COQ8B: variants seen among roughly 807,000 people sequenced by gnomAD.
The protein encoded by COQ8B is atypical kinase COQ8B, mitochondrial.
COQ8B carries 44 observed loss-of-function variants against 62.0 expected under a neutral mutation model. The ratio of observed to expected loss-of-function variants is 0.71; its 90% CI spans 0.56 to 0.91. COQ8B has a LOEUF of 0.91. COQ8B is among the 40% of genes least tolerant of loss of function. The pLI is 0.00. For missense variants in COQ8B, 649 were observed against 731.6 expected (o/e 0.89, Z 1.30); for synonymous variants, 252 against 289.9 (o/e 0.87, Z 1.33).
chr19:40,713,688 C>A (rs1869713), intron 4 of COQ8B, among the ~76,000 whole-genome samples: 88 of 146,398 alleles, frequency 6.0e-4, no homozygotes, highest in Admixed American at 1.1e-3. Flanking sequence ...TGCACTCCAG[C>A]CTGGGCAACA....
chr19:40,700,969 C>CATTTATTAA, intron 10 of COQ8B: 1 of 157,006 alleles, frequency 6.4e-6, no homozygotes, highest in Non-Finnish European at 1.4e-5. Context: ...GTGAATGAAC[C>CATTTATTAA]AGTCCCTGGA....
intron 9 of COQ8B, 115 bp downstream of exon 9, chr19:40,703,426 C>G: frequency 9.1e-7 from 1 of 1,102,968 alleles, no homozygotes; most frequent in Non-Finnish European, 1.3e-6. Context: ...CTGACACTCC[C>G]GCTCACAACG....
intron 4 of COQ8B, 32 bp downstream of exon 4, chr19:40,714,035 G>A (rs1302879943): frequency 2.5e-6 from 4 of 1,611,680 alleles, no homozygotes; most frequent in African/African-American, 1.3e-5. Flanking sequence ...TCTAATTGAG[G>A]TCACACCAAG....
At position 40,697,876 on chromosome 19, in the gene COQ8B, A is replaced by AGAGAGAGAGAGT. The variant is rs1316282364; in HGVS notation, c.1144-1823_1144-1822insACTCTCTCTCTC. Among the ~76,000 whole-genome samples the AGAGAGAGAGAGT allele has an allele frequency of 9.8e-5, 7 of 71,206 alleles. 1 individual carries two copies. Among genetic ancestry groups the AGAGAGAGAGAGT allele is most frequent in the South Asian group, 5.1e-4 (1 of 1,944 alleles). 46.7% of individuals were successfully genotyped at this position (71,206 alleles called of 152,430 possible). On this transcript the variant is annotated intron_variant, in intron 12 of 14. Coordinates refer to ENST00000324464, the MANE Select transcript of COQ8B (RefSeq NM_024876.4). ...TAGAGAGAGAGAGAGAGAGAGAGAG[A>AGAGAGAGAGAGT]GTTTCTACTGGGCGTTCATGCAAAT...
At position 40,700,194 on chromosome 19, in the gene COQ8B, C is replaced by T. The variant is rs763849360; in HGVS notation, c.1036-20G>A. 6 of 1,613,886 alleles carry T rather than the reference C, an allele frequency of 3.7e-6. No homozygotes were observed. The Admixed American group carries it at 8.3e-5, about 22-fold the overall frequency. On this transcript the variant is annotated intron_variant, in intron 11 of 14. Coordinates refer to ENST00000324464, the MANE Select transcript of COQ8B (RefSeq NM_024876.4). ...GCAAATCTGGGGTGGGGAGAATTAA[C>T]AGGCATCTCAGTGTGATCTCCCTTG...
At position 40,692,038 on chromosome 19, in the gene COQ8B, T is replaced by A. The variant is rs1168199366; in HGVS notation, c.1632A>T (p.Ser544=). ...ACTGAATCCCCCATGGAGGCTGTCA[T>A]GAGGGATCCACCCAGGAGTCCCCTT... The part of the protein sequence containing the change: ...PTKGDSWVDP[S] Residue 544 remains serine (S), a synonymous_variant, in exon 15 of 15, where the codon TCA becomes TCT. Coordinates refer to ENST00000324464, the MANE Select transcript of COQ8B (RefSeq NM_024876.4). 2 of 1,598,818 alleles carry A rather than the reference T, an allele frequency of 1.3e-6. No homozygotes were observed.
intron 12 of COQ8B, among the ~76,000 whole-genome samples, chr19:40,698,344 C>T (rs2082035563): frequency 6.6e-6 from 1 of 150,978 alleles, no homozygotes; most frequent in Non-Finnish European, 1.5e-5. Flanking sequence ...CAAGACTAGC[C>T]TGGCCAAAAT....
At chr19:40,703,150 G>A (rs1327265125) in intron 9 of COQ8B, among the ~76,000 whole-genome samples, 1 of 151,942 alleles carries the variant, frequency 6.6e-6, no homozygotes, top group African/African-American at 2.4e-5. Flanking sequence ...TCTGGGCCTG[G>A]CTTTCCCTCT....
Position 40,705,367 on chromosome 19 carries a change from G to T in COQ8B, c.448C>A (p.Arg150=). 1.2e-6 allele frequency: 2 copies of T among 1,600,320 alleles called. No individual in the cohort carries two copies. The highest frequency in any genetic ancestry group is 1.7e-6 in the Non-Finnish European group (2 of 1,168,852). ...ERIVQTLCTV[R]GAALKVGQML... is the part of the protein sequence containing the mutation. ...TGGCCAACCTTGAGGGCGGCCCCTC[G>T]AACTGTACATAAGGTCTGCACAATC... The change falls in exon 6 of 15, where the codon CGA becomes AGA. Residue 150 remains arginine (R), a synonymous_variant. Transcript: ENST00000324464.
chr19:40,701,935 G>A (rs545651867), intron 10 of COQ8B, among the ~76,000 whole-genome samples: 4 of 152,178 alleles, frequency 2.6e-5, no homozygotes, highest in Admixed American at 6.5e-5. Context: ...ATTGTTCCAC[G>A]TAGCCATAGT....
At chr19:40,714,747 C>T in intron 1 of COQ8B, 112 bp from the exon 2 acceptor site, 2 of 1,308,784 alleles carry the variant, frequency 1.5e-6, no homozygotes, top group South Asian at 3.1e-5. Flanking sequence ...AATACTTCCT[C>T]CACTATTAAT....
chr19:40,698,697 C>CT (rs1201866711), intron 12 of COQ8B, among the ~76,000 whole-genome samples: 3 of 152,252 alleles, frequency 2.0e-5, no homozygotes, highest in East Asian at 3.9e-4. Flanking sequence ...GGGCTGGAGA[C>CT]TCCGTGGGGC....
rs745562919 is a variant in COQ8B at position 40,692,388 on chromosome 19, G to T, written c.1297-15C>A. On this transcript the variant is annotated splice_polypyrimidine_tract_variant and intron_variant, in intron 14 of 14. Coordinates refer to ENST00000324464, the MANE Select transcript of COQ8B (RefSeq NM_024876.4). ...TCGGAGAATGCCTGGGAGTGGGGGT[G>T]GGGGGAGAGCAAAGGCAGCCAGTGT... 1.2e-6 allele frequency: 2 copies of T among 1,609,028 alleles called. No individual in the cohort carries two copies. The highest frequency in any genetic ancestry group is 1.1e-5 in the South Asian group (1 of 90,804).
At position 40,714,457 on chromosome 19, in the gene COQ8B, C is replaced by T. The variant is rs570552886; in HGVS notation, c.103-60G>A. The T allele has an allele frequency of 5.6e-6, 9 of 1,613,016 alleles. No individual in the cohort carries two copies. In the East Asian group the frequency reaches 2.0e-4, roughly 36 times the overall value. The stretch of plus-strand genomic sequence containing the variant: ...CATGGGATCACCTGGCCCTTCTGGA[C>T]CCCTCCTGTCCTTTTACCCTCTGAA... On this transcript the variant is annotated intron_variant, in intron 2 of 14. Transcript: ENST00000324464.
At chr19:40,695,816 T>C (rs2082010554) in intron 13 of COQ8B, among the ~76,000 whole-genome samples, 173 bp downstream of exon 13, 1 of 152,230 alleles carries the variant, frequency 6.6e-6, no homozygotes, top group South Asian at 2.1e-4. Flanking sequence ...ACGTAAGCAC[T>C]AAAGATGGAG....
intron 14 of COQ8B, 132 bp from the exon 15 acceptor site, chr19:40,692,505 A>G: frequency 1.3e-6 from 1 of 767,782 alleles, no homozygotes; most frequent in Non-Finnish European, 2.1e-6. Context: ...CTCCCCCAAG[A>G]GTGAGCAGCT....
chr19:40,710,029 A>T, intron 5 of COQ8B, 30 bp downstream of exon 5: 6 of 1,611,510 alleles, frequency 3.7e-6, no homozygotes, highest in Non-Finnish European at 5.1e-6. Flanking sequence ...CAAAGCCAGG[A>T]TCTGAACCCA....
Position 40,691,898 on chromosome 19 carries a change from C to T in COQ8B, c.*137G>A, listed in dbSNP as rs79441132. 2,758 of 809,908 alleles carry T rather than the reference C, an allele frequency of 3.4e-3. 60 individuals are homozygous for T. The African/African-American group carries it at 0.043, about 13-fold the overall frequency. The allele number at this position is 809,908 out of a possible 1,614,324, so 50.2% of individuals were successfully genotyped here. A position where few individuals can be genotyped will look rare whatever the true frequency, so the allele number is the denominator to read the frequency against. ...TCCCCAGCCCCAGGGATCCTGAGCT[C>T]CTGGGCCAAGGAGGAGAGCCAGGCA... On this transcript the variant is annotated 3_prime_UTR_variant, in exon 15 of 15. Transcript: ENST00000324464.
At chr19:40,710,274 T>A in intron 4 of COQ8B, 138 bp from the exon 5 acceptor site, 1 of 775,204 alleles carries the variant, frequency 1.3e-6, no homozygotes, top group Non-Finnish European at 2.1e-6. Flanking sequence ...AGATGGAGTC[T>A]CGCTCTGTTG....
Sources: allele counts gnomAD v4.1 joint callset (sites outside exome capture counted in the v4.1 genomes callset), GRCh38; gene constraint gnomAD v4.1.1; transcripts MANE v1.5; gene names NCBI Gene and HGNC (gene_info 2026-07-23, HGNC 2026-07-21).